Variants in ARHGAP28 observed in about 807,000 individuals in gnomAD.
The protein encoded by ARHGAP28 is rho GTPase-activating protein 28.
Under a neutral mutation model 90.7 loss-of-function variants are expected in ARHGAP28, and 56 were observed. The ratio of observed to expected loss-of-function variants is 0.62; its 90% CI spans 0.50 to 0.77. The LOEUF (loss-of-function observed/expected upper bound fraction) is 0.77. ARHGAP28 is among the 30% of genes least tolerant of loss of function. The pLI, the probability that ARHGAP28 is intolerant of heterozygous loss-of-function variation, is 0.00. For missense variants in ARHGAP28, 869 were observed against 900.9 expected, an observed-to-expected ratio of 0.96 and a Z score of 0.45; for synonymous variants, 308 against 323.3, an observed-to-expected ratio of 0.95 and a Z score of 0.51.
At chr18:6,848,027 G>T (rs1324742547) in intron 3 of ARHGAP28, among the ~76,000 whole-genome samples, 1 of 152,080 alleles carries the variant, frequency 6.6e-6, no homozygotes, top group Non-Finnish European at 1.5e-5. Context: ...TTTATTGGGG[G>T]TTGATCATGT....
chr18:6,867,204 A>T (rs1339035338), intron 5 of ARHGAP28, among the ~76,000 whole-genome samples: 2 of 152,200 alleles, frequency 1.3e-5, no homozygotes, highest in Non-Finnish European at 2.9e-5. Flanking sequence ...ATAAAAGGAG[A>T]TCATGAGGCT....
At chr18:6,779,431 G>A (rs1039357705) in intron 1 of ARHGAP28, among the ~76,000 whole-genome samples, 2 of 152,158 alleles carry the variant, frequency 1.3e-5, no homozygotes, top group African/African-American at 2.4e-5. Context: ...ACATTTCCTT[G>A]GGCAGAACAA....
chr18:6,753,343 T>C (rs1247254829), intron 1 of ARHGAP28, among the ~76,000 whole-genome samples: 4 of 152,238 alleles, frequency 2.6e-5, no homozygotes, highest in Admixed American at 1.3e-4. Context: ...TTAAATTTTT[T>C]TTGGATATTC....
Position 6,758,766 on chromosome 18 carries a change from A to G in ARHGAP28, c.122+28823A>G, listed in dbSNP as rs959421874. Among the ~76,000 whole-genome samples, 3 of 152,214 alleles carry G rather than the reference A, an allele frequency of 2.0e-5. No individual in the cohort carries two copies. In the South Asian group the frequency reaches 6.2e-4, roughly 32 times the overall value. On this transcript the variant is annotated intron_variant, in intron 1 of 17. Transcript: ENST00000383472. Reference sequence around the variant, plus strand: ...CTGAAAATAAGGTTTTATGGTATTTATGATTTTTTTCTCTATCTATTCACT... The same window carrying G: ...CTGAAAATAAGGTTTTATGGTATTTGTGATTTTTTTCTCTATCTATTCACT...
intron 1 of ARHGAP28, among the ~76,000 whole-genome samples, chr18:6,757,835 C>G (rs1010928687): frequency 1.3e-5 from 2 of 152,020 alleles, no homozygotes; most frequent in Non-Finnish European, 2.9e-5. Context: ...GCATTGAACA[C>G]AGAGTTAGTT....
At chr18:6,852,513 T>C (rs1487243730) in intron 4 of ARHGAP28, among the ~76,000 whole-genome samples, 1 of 152,188 alleles carries the variant, frequency 6.6e-6, no homozygotes, top group Non-Finnish European at 1.5e-5. Context: ...TTGCTTCATA[T>C]AAAAGAAAAT....
intron 1 of ARHGAP28, among the ~76,000 whole-genome samples, chr18:6,777,754 A>G (rs74582375): frequency 0.068 from 10,271 of 150,610 alleles, 1,057 homozygotes; most frequent in African/African-American, 0.23. Flanking sequence ...GAATGAGTGA[A>G]TGAATGAATG....
rs555356137 is a variant in ARHGAP28 at position 6,764,822 on chromosome 18, C to G, written c.122+34879C>G. On this transcript the variant is annotated intron_variant, in intron 1 of 17. Coordinates refer to ENST00000383472, the MANE Select transcript of ARHGAP28 (RefSeq NM_001366230.1). ...ACTCTGACCTTGGTGCTAAAAAACG[C>G]TAATGTTAGAAATTACGGGCAGTTG... Among the ~76,000 whole-genome samples, 11 of 152,334 alleles carry G rather than the reference C, an allele frequency of 7.2e-5. No homozygotes were observed. The East Asian group carries it at 1.9e-3, about 27-fold the overall frequency.
intron 11 of ARHGAP28, among the ~76,000 whole-genome samples, chr18:6,884,201 C>A (rs191245127): frequency 6.6e-6 from 1 of 151,920 alleles, no homozygotes; most frequent in East Asian, 1.9e-4. Context: ...GGTGAAACCC[C>A]GTCTCTACTA....
At chr18:6,894,637 A>G (rs2057291684) in intron 14 of ARHGAP28, among the ~76,000 whole-genome samples, 198 bp from the exon 15 acceptor site, 1 of 152,238 alleles carries the variant, frequency 6.6e-6, no homozygotes, top group Admixed American at 6.5e-5. Context: ...ACATCTATAT[A>G]CATCATTGTT....
chr18:6,744,250 A>T (rs1377049411), intron 1 of ARHGAP28, among the ~76,000 whole-genome samples: 1 of 152,186 alleles, frequency 6.6e-6, no homozygotes, highest in African/African-American at 2.4e-5. Context: ...GCGTTGCAGC[A>T]TGTAACCACA....
intron 1 of ARHGAP28, among the ~76,000 whole-genome samples, chr18:6,774,960 C>CTG (rs1168532003): frequency 6.6e-6 from 1 of 152,188 alleles, no homozygotes; most frequent in Non-Finnish European, 1.5e-5. Context: ...TAATTAGCAC[C>CTG]TGTGTTAGTG....
intron 14 of ARHGAP28, among the ~76,000 whole-genome samples, chr18:6,890,754 G>A (rs1468932360): frequency 6.6e-6 from 1 of 152,158 alleles, no homozygotes; most frequent in Non-Finnish European, 1.5e-5. Context: ...TTTGGTTAAA[G>A]TTCTTGAAAT....
chr18:6,762,793 G>A (rs766391467), intron 1 of ARHGAP28, among the ~76,000 whole-genome samples: 3 of 151,910 alleles, frequency 2.0e-5, no homozygotes, highest in Non-Finnish European at 4.4e-5. Context: ...AACCAACGCT[G>A]TCAGTACCTT....
intron 1 of ARHGAP28, among the ~76,000 whole-genome samples, chr18:6,757,350 T>C: frequency 6.6e-6 from 1 of 151,842 alleles, no homozygotes; most frequent in East Asian, 1.9e-4. Context: ...GGGAAACAAA[T>C]GAAATAAAGC....
chr18:6,841,119 T>TTC (rs149011221), intron 3 of ARHGAP28, among the ~76,000 whole-genome samples: 1,864 of 117,194 alleles, frequency 0.016, 61 homozygotes, highest in African/African-American at 0.054. Flanking sequence ...GGTCCTTCTC[T>TTC]TCTCTCTCTC....
At position 6,825,069 on chromosome 18, in the gene ARHGAP28, G is replaced by T. The variant is rs898868817; in HGVS notation, c.325+105G>T. On this transcript the variant is annotated intron_variant, in intron 2 of 17. Coordinates refer to ENST00000383472, the MANE Select transcript of ARHGAP28 (RefSeq NM_001366230.1). ...TCATCCCACCAATAGTTTAACCAATGAATCAGTAGAATCTGGCATATTGAT... is the reference window on the plus strand; with the variant it reads ...TCATCCCACCAATAGTTTAACCAATTAATCAGTAGAATCTGGCATATTGAT... 4 of 1,005,810 alleles carry T rather than the reference G, an allele frequency of 4.0e-6. No individual in the cohort carries two copies. The South Asian group carries it at 7.2e-5, about 18-fold the overall frequency. The allele number at this position is 1,005,810 out of a possible 1,614,324, so 62.3% of individuals were successfully genotyped here.
chr18:6,812,647 G>A (rs1464346256), intron 1 of ARHGAP28, among the ~76,000 whole-genome samples: 8 of 152,256 alleles, frequency 5.3e-5, no homozygotes, highest in East Asian at 3.9e-4. Context: ...CTGCTGTCAG[G>A]GATTAGATGC....
intron 14 of ARHGAP28, among the ~76,000 whole-genome samples, chr18:6,893,167 C>T (rs901182236): frequency 5.3e-5 from 8 of 152,166 alleles, no homozygotes; most frequent in Admixed American, 6.5e-5. Flanking sequence ...CTCTAGCACC[C>T]ATCAAGTTCC....
Sources: gnomAD v4.1 joint callset for allele counts (sites outside exome capture counted in the v4.1 genomes callset) on GRCh38, gnomAD v4.1.1 for gene constraint, MANE v1.5 for transcripts, NCBI Gene and HGNC (gene_info 2026-07-23, HGNC 2026-07-21) for gene names.